IGDCC4: variants seen among roughly 807,000 people sequenced by gnomAD.
IGDCC4 encodes likely ortholog of mouse neighbor of Punc E11.
IGDCC4 carries 72 observed loss-of-function variants against 116.6 expected under a neutral mutation model. The ratio of observed to expected loss-of-function variants is 0.62; its 90% confidence interval spans 0.51 to 0.75. The LOEUF is 0.75. Ranked by LOEUF, IGDCC4 falls within the 30% of genes least tolerant of loss-of-function variation. The pLI, the probability that IGDCC4 is intolerant of heterozygous loss-of-function variation, is 0.00. For missense variants in IGDCC4, 1,501 were observed against 1,662.4 expected (o/e 0.90, Z 1.69); for synonymous variants, 709 against 719.9 (o/e 0.98, Z 0.24).
chr15:65,386,357 G>A (rs1027786416), intron 17 of IGDCC4, among the ~76,000 whole-genome samples, 194 bp downstream of exon 17: 1 of 152,180 alleles, frequency 6.6e-6, no homozygotes, highest in Admixed American at 6.5e-5. Flanking sequence ...GAGGAGGGTA[G>A]GCTGGGGCTC....
At chr15:65,389,688 T>C (rs751181783) in intron 13 of IGDCC4, among the ~76,000 whole-genome samples, 1 of 152,246 alleles carries the variant, frequency 6.6e-6, no homozygotes, top group Non-Finnish European at 1.5e-5. Context: ...TCATCTCCGA[T>C]GCATCTTTTC....
chr15:65,405,138 G>GGC (rs1262792648), intron 3 of IGDCC4, among the ~76,000 whole-genome samples: 1 of 134,798 alleles, frequency 7.4e-6, no homozygotes, highest in African/African-American at 2.7e-5. Flanking sequence ...GTGGGGGGGG[G>GGC]GGAGTAAAAA....
rs768357363 is a variant in IGDCC4 at position 65,394,386 on chromosome 15, C to T, written c.1714+25G>A. 2.5e-6 allele frequency: 4 copies of T among 1,612,428 alleles called. No homozygotes were observed. In the Admixed American group the frequency reaches 5.0e-5, roughly 20 times the overall value. On this transcript the variant is annotated intron_variant, in intron 9 of 19. Transcript: ENST00000352385. ...TCACGTTGATCATTCCCATACATGC[C>T]TGCAGCCCACCCACCCCCACTCACC... is the stretch of plus-strand genomic sequence containing the variant.
At chr15:65,402,918 G>A (rs2063004033) in intron 3 of IGDCC4, among the ~76,000 whole-genome samples, 1 of 152,150 alleles carries the variant, frequency 6.6e-6, no homozygotes, top group Admixed American at 6.5e-5. Context: ...TTAGATTGGT[G>A]AAAATCAGAA....
intron 1 of IGDCC4, among the ~76,000 whole-genome samples, chr15:65,415,383 G>A (rs2063133463): frequency 6.6e-6 from 1 of 152,234 alleles, no homozygotes; most frequent in African/African-American, 2.4e-5. Context: ...CAGAGGGGCT[G>A]GCGGCTGGCT....
At chr15:65,422,682 G>T in intron 1 of IGDCC4, 111 bp downstream of exon 1, 3 of 870,456 alleles carry the variant, frequency 3.4e-6, no homozygotes, top group Non-Finnish European at 4.5e-6. Flanking sequence ...CGCAGCCCCC[G>T]CACTTGCTCG....
intron 8 of IGDCC4, 74 bp from the exon 9 acceptor site, chr15:65,394,622 T>C: frequency 6.9e-7 from 1 of 1,444,254 alleles, no homozygotes; most frequent in Non-Finnish European, 9.3e-7. Flanking sequence ...GGTCAGAGAC[T>C]TGCCTGGGTC....
chr15:65,394,322 C>T, intron 9 of IGDCC4, 89 bp downstream of exon 9: 2 of 1,585,498 alleles, frequency 1.3e-6, no homozygotes, highest in Non-Finnish European at 1.7e-6. Flanking sequence ...CCTCCGACTC[C>T]CGTACCCTGC....
intron 2 of IGDCC4, 71 bp from the exon 3 acceptor site, chr15:65,410,390 T>C: frequency 6.4e-7 from 1 of 1,571,316 alleles, no homozygotes; most frequent in East Asian, 2.3e-5. Flanking sequence ...GCACAAACAG[T>C]GAAACACATC....
In IGDCC4 at chr15:65,388,945, C is replaced by T. The variant is rs963073705; in HGVS notation, c.2570G>A (p.Ser857Asn). The T allele has an allele frequency of 6.2e-7, 1 of 1,610,394 alleles. No homozygotes were observed. The highest frequency in any genetic ancestry group is 8.5e-7 in the Non-Finnish European group (1 of 1,178,446). The stretch of plus-strand genomic sequence containing the variant: ...CCGAACCGTGGACGGTGTCAGGGGG[C>T]TCAGTCGCAGGTCGGATGGGGGTGT... ...PSTPPSDLRLSPLTPSTVRLH... is the reference protein window; with the variant it reads ...PSTPPSDLRLNPLTPSTVRLH... The change falls in exon 15 of 20, where the codon AGC becomes AAC. Residue 857 changes from serine (S) to asparagine (N), a missense_variant. Coordinates refer to ENST00000352385, the MANE Select transcript of IGDCC4 (RefSeq NM_020962.3).
intron 17 of IGDCC4, 100 bp from the exon 18 acceptor site, chr15:65,386,159 ATCTCT>A: frequency 4.0e-6 from 3 of 754,970 alleles, no homozygotes; most frequent in Non-Finnish European, 6.4e-6. Context: ...GTTCCTGCCC[ATCTCT>A]GGGATTTGCT....
In IGDCC4 at chr15:65,405,129, T is replaced by A. The variant is rs868406662; in HGVS notation, c.564-2642A>T. 3.0e-5 allele frequency among the ~76,000 whole-genome samples: 3 copies of A among 100,380 alleles called. No individual in the cohort carries two copies. The South Asian group carries it at 1.1e-3, about 38-fold the overall frequency. The allele number at this position is 100,380 out of a possible 152,430, so 65.9% of individuals were successfully genotyped here. On this transcript the variant is annotated intron_variant, in intron 3 of 19. Transcript: ENST00000352385. ...AAAGTGTTCAAAATATATTAGTTAGTGGGGGGGGGGGAGTAAAAAAACAGT... is the reference window on the plus strand; with the variant it reads ...AAAGTGTTCAAAATATATTAGTTAGAGGGGGGGGGGGAGTAAAAAAACAGT...
At chr15:65,396,326 A>ATT in intron 6 of IGDCC4, 163 bp from the exon 7 acceptor site, 1 of 789,998 alleles carries the variant, frequency 1.3e-6, no homozygotes. Flanking sequence ...GGCTCAGCGC[A>ATT]GACCTACCCT....
intron 1 of IGDCC4, among the ~76,000 whole-genome samples, chr15:65,422,082 C>T (rs774415430): frequency 6.6e-6 from 1 of 152,024 alleles, no homozygotes; most frequent in Non-Finnish European, 1.5e-5. Context: ...GACATGTCCA[C>T]GAAAGCAAAT....
chr15:65,386,138 T>C, intron 17 of IGDCC4, 79 bp from the exon 18 acceptor site: 1 of 918,710 alleles, frequency 1.1e-6, no homozygotes, highest in South Asian at 1.7e-5. Context: ...CCAGCCTATG[T>C]CTCTGGGGAG....
intron 3 of IGDCC4, among the ~76,000 whole-genome samples, chr15:65,404,672 T>TGAATGAAG (rs2063023332): frequency 3.0e-5 from 1 of 33,278 alleles, no homozygotes; most frequent in African/African-American, 7.8e-4. Context: ...TGTGATTGAG[T>TGAATGAAG]GAATGAATGA....
Position 65,389,273 on chromosome 15 carries a change from G to A in IGDCC4, c.2536+11C>T. ...AGATGGGTTGGTGGCAAGGGGCTGG[G>A]AGCCACTCACGGTCAGGCAGGGTGG... On this transcript the variant is annotated intron_variant, in intron 14 of 19. Transcript: ENST00000352385. The A allele has an allele frequency of 6.2e-7, 1 of 1,611,378 alleles. No homozygotes were observed. The highest frequency in any genetic ancestry group is 8.5e-7 in the Non-Finnish European group (1 of 1,178,760).
At chr15:65,389,185 T>G in intron 14 of IGDCC4, 99 bp downstream of exon 14, 1 of 1,523,520 alleles carries the variant, frequency 6.6e-7, no homozygotes. Flanking sequence ...CCCCCAGCTC[T>G]GCCCAAACCT....
chr15:65,390,116 T>C, intron 13 of IGDCC4, 39 bp downstream of exon 13: 3 of 1,512,094 alleles, frequency 2.0e-6, no homozygotes, highest in Non-Finnish European at 2.7e-6. Context: ...CACCTATTCT[T>C]CCTCCCTTCT....
Sources: allele counts gnomAD v4.1 joint callset (sites outside exome capture counted in the v4.1 genomes callset), GRCh38; gene constraint gnomAD v4.1.1; transcripts MANE v1.5; gene names NCBI Gene and HGNC (gene_info 2026-07-23, HGNC 2026-07-21).